TMEM132D: variants seen among roughly 807,000 people sequenced by gnomAD.
TMEM132D encodes transmembrane protein 132D.
A neutral mutation model predicts 62.3 loss-of-function variants in TMEM132D; 21 were observed. The observed-to-expected ratio is 0.34, with a 90% CI of 0.24 to 0.49. The LOEUF (loss-of-function observed/expected upper bound fraction) is 0.49. Among genes scored for constraint, TMEM132D ranks in the 20% least tolerant of loss-of-function variants. The probability of loss-of-function intolerance (pLI) is 0.99; values close to 1 mark genes in which losing one functional copy is unlikely to be tolerated. For synonymous variants in TMEM132D, 621 were observed against 575.6 expected, an observed-to-expected ratio of 1.08 and a Z score of -1.13; for missense variants, 1,346 against 1,402.8, an observed-to-expected ratio of 0.96 and a Z score of 0.65.
intron 1 of TMEM132D, among the ~76,000 whole-genome samples, chr12:129,841,575 A>G (rs1168310192): frequency 1.3e-5 from 2 of 152,114 alleles, no homozygotes; most frequent in African/African-American, 4.8e-5. Context: ...AAATGTTAAT[A>G]TTACTTGGGA....
intron 2 of TMEM132D, among the ~76,000 whole-genome samples, chr12:129,639,005 T>G (rs1384990): frequency 0.5 from 75,384 of 151,218 alleles, 18,813 homozygotes; most frequent in Middle Eastern, 0.62. Flanking sequence ...ATCAAGATAA[T>G]AAGGAAAAAG....
chr12:129,350,531 T>G (rs532302385), intron 3 of TMEM132D, among the ~76,000 whole-genome samples: 207 of 152,234 alleles, frequency 1.4e-3, no homozygotes, highest in South Asian at 9.9e-3. Context: ...TCAGGAGAAA[T>G]GAAGGGGATG....
At chr12:129,488,204 G>A (rs1023367703) in intron 3 of TMEM132D, among the ~76,000 whole-genome samples, 3 of 152,118 alleles carry the variant, frequency 2.0e-5, no homozygotes, top group African/African-American at 7.2e-5. Context: ...AACATGGTCT[G>A]TGGAACTTTG....
chr12:129,610,089 G>T lies in TMEM132D; in HGVS notation c.969-78884C>A, dbSNP rs147944203. On this transcript the variant is annotated intron_variant, in intron 2 of 8. Coordinates refer to ENST00000422113, the MANE Select transcript of TMEM132D (RefSeq NM_133448.3). ...GCTCAAGACCAGCCTGGCCAACACAGTGAAACCACGTCTCTACTAAAAAAT... is the reference window on the plus strand; with the variant it reads ...GCTCAAGACCAGCCTGGCCAACACATTGAAACCACGTCTCTACTAAAAAAT... Among the ~76,000 whole-genome samples the T allele has an allele frequency of 5.2e-3, 798 of 152,280 alleles. 7 individuals carry two copies. The highest frequency in any genetic ancestry group is 0.018 in the African/African-American group (766 of 41,560).
chr12:129,243,445 A>G (rs1879987388), intron 4 of TMEM132D, among the ~76,000 whole-genome samples: 4 of 152,228 alleles, frequency 2.6e-5, no homozygotes, highest in Admixed American at 2.6e-4. Flanking sequence ...ATTACTTGAT[A>G]TCTGTGGATA....
At chr12:129,165,218 G>T (rs558820633) in intron 5 of TMEM132D, among the ~76,000 whole-genome samples, 30 of 152,312 alleles carry the variant, frequency 2.0e-4, no homozygotes, top group African/African-American at 7.0e-4. Flanking sequence ...AGGGTAGGAT[G>T]GGCTTGGAAG....
intron 4 of TMEM132D, among the ~76,000 whole-genome samples, chr12:129,303,023 G>A (rs1414193899): frequency 2.0e-5 from 3 of 152,124 alleles, no homozygotes; most frequent in Non-Finnish European, 4.4e-5. Flanking sequence ...TTACAAGCAC[G>A]GGTCCTTAAT....
intron 3 of TMEM132D, among the ~76,000 whole-genome samples, chr12:129,488,257 C>T (rs889135279): frequency 6.6e-6 from 1 of 152,240 alleles, no homozygotes; most frequent in Non-Finnish European, 1.5e-5. Context: ...ATGTCTTACC[C>T]TATGCCCCTT....
chr12:129,577,824 G>C (rs935728275), intron 2 of TMEM132D, among the ~76,000 whole-genome samples: 1 of 152,050 alleles, frequency 6.6e-6, no homozygotes, highest in African/African-American at 2.4e-5. Context: ...TCTGTAGAGA[G>C]AGAGAATAGT....
At chr12:129,628,514 C>T (rs571042751) in intron 2 of TMEM132D, among the ~76,000 whole-genome samples, 1 of 152,306 alleles carries the variant, frequency 6.6e-6, no homozygotes, top group African/African-American at 2.4e-5. Flanking sequence ...GCTTCTTCTT[C>T]ATTCCACAAA....
Position 129,153,047 on chromosome 12 carries a change from G to A in TMEM132D, c.1443+56473C>T, listed in dbSNP as rs577592650. 4.6e-5 allele frequency among the ~76,000 whole-genome samples: 7 copies of A among 152,274 alleles called. 1 individual carries two copies. The South Asian group carries it at 1.5e-3, about 32-fold the overall frequency. ...CTTTGTCTTTGCAGCCTGGGCAGTC[G>A]TATTTGCTTCCTGCTATGACTATCT... On this transcript the variant is annotated intron_variant, in intron 5 of 8. Transcript: ENST00000422113.
At chr12:129,605,159 A>G (rs1287004198) in intron 2 of TMEM132D, among the ~76,000 whole-genome samples, 1 of 151,960 alleles carries the variant, frequency 6.6e-6, no homozygotes, top group Non-Finnish European at 1.5e-5. Context: ...TTTTTTTGTC[A>G]TGTATTTTGT....
chr12:129,824,900 G>A (rs1036651240), intron 1 of TMEM132D, among the ~76,000 whole-genome samples: 10 of 152,186 alleles, frequency 6.6e-5, no homozygotes, highest in African/African-American at 1.9e-4. Flanking sequence ...GAGCAGGCGA[G>A]AGAGCTCTTT....
At chr12:129,341,828 G>A (rs529072233) in intron 3 of TMEM132D, among the ~76,000 whole-genome samples, 1 of 152,160 alleles carries the variant, frequency 6.6e-6, no homozygotes, top group Admixed American at 6.5e-5. Context: ...ATTCACAATT[G>A]CTTCAAAGAG....
chr12:129,144,089 C>T (rs1876821768), intron 5 of TMEM132D, among the ~76,000 whole-genome samples: 1 of 152,140 alleles, frequency 6.6e-6, no homozygotes, highest in South Asian at 2.1e-4. Flanking sequence ...GTTACATCCT[C>T]CCCCACTTCT....
At chr12:129,236,907 C>A (rs144574415) in intron 4 of TMEM132D, among the ~76,000 whole-genome samples, 65 of 152,174 alleles carry the variant, frequency 4.3e-4, no homozygotes, top group African/African-American at 1.4e-3. Flanking sequence ...TCCTTCTATA[C>A]CTACAGTGAT....
intron 3 of TMEM132D, among the ~76,000 whole-genome samples, chr12:129,351,750 T>A (rs1394373169): frequency 6.6e-6 from 1 of 152,228 alleles, no homozygotes; most frequent in Admixed American, 6.5e-5. Context: ...ATTGTGGTTG[T>A]GCTCTTTGTG....
intron 2 of TMEM132D, among the ~76,000 whole-genome samples, chr12:129,620,986 A>T (rs1879051015): frequency 6.6e-6 from 1 of 152,140 alleles, no homozygotes; most frequent in South Asian, 2.1e-4. Context: ...TTAAAACAAA[A>T]ATAAAAATAA....
At chr12:129,445,363 G>A (rs922610098) in intron 3 of TMEM132D, among the ~76,000 whole-genome samples, 1 of 152,100 alleles carries the variant, frequency 6.6e-6, no homozygotes, top group Non-Finnish European at 1.5e-5. Flanking sequence ...ATGGGTACTA[G>A]GCTTAATACC....
Sources: gnomAD v4.1 joint callset for allele counts (sites outside exome capture counted in the v4.1 genomes callset) on GRCh38, gnomAD v4.1.1 for gene constraint, MANE v1.5 for transcripts, NCBI Gene and HGNC (gene_info 2026-07-23, HGNC 2026-07-21) for gene names.